The following KIAA1143 variants were observed in gnomAD, a reference collection of about 807,000 sequenced individuals.
KIAA1143 encodes the protein uncharacterized protein KIAA1143.
A neutral mutation model predicts 17.0 loss-of-function variants in KIAA1143; 8 were observed. The observed-to-expected ratio is 0.47, with a 90% confidence interval of 0.28 to 0.85. KIAA1143 has a LOEUF of 0.85. KIAA1143 is among the 40% of genes least tolerant of loss of function. KIAA1143 has a pLI of 0.12. For synonymous variants in KIAA1143, 64 were observed against 67.8 expected (o/e 0.94, Z 0.27); for missense variants, 162 against 183.3 (o/e 0.88, Z 0.67).
intron 1 of KIAA1143, among the ~76,000 whole-genome samples, chr3:44,755,724 C>T (rs1575558826): frequency 4.6e-5 from 7 of 152,338 alleles, no homozygotes; most frequent in Admixed American, 6.5e-5. Flanking sequence ...TTACACTGTG[C>T]ATAGCTCATA....
At chr3:44,758,490 ATT>A (rs1457621059) in intron 1 of KIAA1143, among the ~76,000 whole-genome samples, 2 of 152,198 alleles carry the variant, frequency 1.3e-5, no homozygotes, top group Non-Finnish European at 2.9e-5. Flanking sequence ...CCAGAAGTAG[ATT>A]CCATCTCAAT....
rs752654359 is a variant in KIAA1143, at chr3:44,761,561, C to A, written c.42G>T (p.Glu14Asp). ...RNQVSYVRPAEPAFLARFKER... is the reference protein window; with the variant it reads ...RNQVSYVRPADPAFLARFKER... ...CCTTGAAGCGGGCCAGAAACGCCGG[C>A]TCGGCTGGCCGCACGTACGATACCT... Residue 14 changes from glutamate to aspartate, a missense_variant, in exon 1 of 3, where the codon GAG becomes GAT. Transcript: ENST00000296121. The A allele has an allele frequency of 6.8e-6, 11 of 1,614,036 alleles. No homozygotes were observed. The highest frequency in any genetic ancestry group is 4.5e-5 in the East Asian group (2 of 44,880).
At position 44,750,705 on chromosome 3, in the gene KIAA1143, A is replaced by G. The variant is rs1318627705; in HGVS notation, c.*2636T>C. 1 of 71,524 alleles carries G rather than the reference A, an allele frequency of 1.4e-5. No homozygotes were observed. The highest frequency in any genetic ancestry group is 2.5e-5 in the Non-Finnish European group (1 of 39,472). The allele number at this position is 71,524 out of a possible 1,614,324, so 4.4% of individuals were successfully genotyped here. A position where few individuals can be genotyped will look rare whatever the true frequency, so the allele number is the denominator to read the frequency against. On this transcript the variant is annotated 3_prime_UTR_variant, in exon 3 of 3. Transcript: ENST00000296121. ...GAAAACTTCCAAGGCACTAATTGAA[A>G]GGCTGATGTGTTCATAAAGATGAAT... is the stretch of plus-strand genomic sequence containing the variant.
intron 1 of KIAA1143, among the ~76,000 whole-genome samples, chr3:44,756,681 C>T (rs1219695607): frequency 6.6e-6 from 1 of 152,156 alleles, no homozygotes; most frequent in Non-Finnish European, 1.5e-5. Flanking sequence ...CCTCCTTATC[C>T]TCAATTTCAT....
At chr3:44,753,760 TGTCAGTTCCCAATTACAATCAGG>T (rs1448132918) in intron 2 of KIAA1143, among the ~76,000 whole-genome samples, 1 of 152,228 alleles carries the variant, frequency 6.6e-6, no homozygotes, top group Non-Finnish European at 1.5e-5. Flanking sequence ...TCTATAATAT[TGTCAGTTCCCAATTACAATCAGG>T]TTGTATTTTT....
Position 44,750,258 on chromosome 3 carries a change from G to A in KIAA1143, c.*3083C>T, listed in dbSNP as rs1419182373. The A allele has an allele frequency of 6.6e-6, 1 of 152,190 alleles. No homozygotes were observed. The highest frequency in any genetic ancestry group is 2.4e-5 in the African/African-American group (1 of 41,452). 9.4% of individuals were successfully genotyped at this position (152,190 alleles called of 1,614,324 possible). Reference sequence around the variant, plus strand: ...CTTTTTGGATATTAGGCTTCCTGAAGTTCAAGAGTGACATATTAGGCTTAT... The same window carrying A: ...CTTTTTGGATATTAGGCTTCCTGAAATTCAAGAGTGACATATTAGGCTTAT... On this transcript the variant is annotated 3_prime_UTR_variant, in exon 3 of 3. Transcript: ENST00000296121.
At chr3:44,760,779 G>C (rs761884056) in intron 1 of KIAA1143, among the ~76,000 whole-genome samples, 6 of 145,412 alleles carry the variant, frequency 4.1e-5, no homozygotes, top group Admixed American at 7.0e-5. Flanking sequence ...TCCACCTCCC[G>C]GGTTCGAGCG....
intron 2 of KIAA1143, 135 bp from the exon 3 acceptor site, chr3:44,753,687 G>A (rs1424110259): frequency 1.2e-6 from 1 of 865,096 alleles, no homozygotes; most frequent in Non-Finnish European, 1.7e-6. Flanking sequence ...CTTCTCCATT[G>A]TTTCTAGCTA....
Position 44,752,614 on chromosome 3 carries a change from T to C in KIAA1143, c.*727A>G, listed in dbSNP as rs1397086721. The C allele has an allele frequency of 2.0e-5, 3 of 151,578 alleles. No individual in the cohort carries two copies. The highest frequency in any genetic ancestry group is 4.4e-5 in the Non-Finnish European group (3 of 67,904). 9.4% of individuals were successfully genotyped at this position (151,578 alleles called of 1,614,324 possible). ...TGTCAGCAAGGAGCCAAGCTCTGAG[T>C]CTTTTTACTAACATGACCCAAAGCA... On this transcript the variant is annotated 3_prime_UTR_variant, in exon 3 of 3. Transcript: ENST00000296121.
rs777180688 is a variant in KIAA1143 at position 44,761,576 on chromosome 3, G to T, written c.27C>A (p.Tyr9Ter). The T allele has an allele frequency of 4.3e-6, 7 of 1,613,520 alleles. No individual in the cohort carries two copies. The Admixed American group carries it at 6.7e-5, about 15-fold the overall frequency. Residue 9 changes from tyrosine to a stop codon, truncating the protein, a stop_gained, in exon 1 of 3, where the codon TAC becomes TAA. Coordinates refer to ENST00000296121, the MANE Select transcript of KIAA1143 (RefSeq NM_020696.4). LOFTEE classifies it high-confidence loss of function. MSKRNQVS[Y>*]VRPAEPAFLA... ...GAAACGCCGGCTCGGCTGGCCGCAC[G>T]TACGATACCTGGTTCCGCTTGCTCA...
chr3:44,761,427 G>A, intron 1 of KIAA1143, 68 bp downstream of exon 1: 1 of 1,306,516 alleles, frequency 7.7e-7, no homozygotes, highest in Admixed American at 1.9e-5. Flanking sequence ...CACCCTCCAA[G>A]TAGAGGCAAA....
At position 44,752,011 on chromosome 3, in the gene KIAA1143, C is replaced by A. The variant is rs1350754888; in HGVS notation, c.*1330G>T. ...GGAAAATGAGGCAGGAGAATAGGGT[C>A]TGGAGACAGGGAACCTAAGGCTGAT... On this transcript the variant is annotated 3_prime_UTR_variant, in exon 3 of 3. Transcript: ENST00000296121. The A allele has an allele frequency of 1.3e-5, 2 of 152,080 alleles. No individual in the cohort carries two copies. The highest frequency in any genetic ancestry group is 2.9e-5 in the Non-Finnish European group (2 of 68,024). 9.4% of individuals were successfully genotyped at this position (152,080 alleles called of 1,614,324 possible).
Position 44,754,331 on chromosome 3 carries a change from T to C in KIAA1143, c.146A>G (p.His49Arg). The C allele has an allele frequency of 6.2e-7, 1 of 1,614,048 alleles. No individual in the cohort carries two copies. The highest frequency in any genetic ancestry group is 1.1e-5 in the South Asian group (1 of 91,078). ...AGGCTGTTCATCTTCTTTGTCACTG[T>C]GATCCCCATCTTCATCTGGGGGCTG... is the stretch of plus-strand genomic sequence containing the variant. ...QPQPPDEDGDHSDKEDEQPQV... is the reference protein window; with the variant it reads ...QPQPPDEDGDRSDKEDEQPQV... Residue 49 changes from histidine (H) to arginine (R), a missense_variant, in exon 2 of 3, where the codon CAC becomes CGC. By Grantham distance (29) the His-to-Arg change is conservative. Coordinates refer to ENST00000296121, the MANE Select transcript of KIAA1143 (RefSeq NM_020696.4).
intron 1 of KIAA1143, among the ~76,000 whole-genome samples, chr3:44,757,577 C>T (rs937098163): frequency 4.6e-5 from 7 of 152,082 alleles, no homozygotes; most frequent in South Asian, 2.1e-4. Flanking sequence ...TGGGAAAATA[C>T]GGAAGGATTA....
At position 44,761,541 on chromosome 3, in the gene KIAA1143, A is replaced by C. The variant is rs1280942536; in HGVS notation, c.62T>G (p.Phe21Cys). 3.7e-6 allele frequency: 6 copies of C among 1,614,040 alleles called. No individual in the cohort carries two copies. The highest frequency in any genetic ancestry group is 5.1e-6 in the Non-Finnish European group (6 of 1,180,036). Reference sequence around the variant, plus strand: ...CTCCCTGTAGCCGACCCGTTCCTTGAAGCGGGCCAGAAACGCCGGCTCGGC... The same window carrying C: ...CTCCCTGTAGCCGACCCGTTCCTTGCAGCGGGCCAGAAACGCCGGCTCGGC... ...RPAEPAFLAR[F>C]KERVGYREGP... is the part of the protein sequence containing the mutation. Residue 21 changes from phenylalanine (F) to cysteine (C), a missense_variant, in exon 1 of 3, where the codon TTC becomes TGC. This residue lies in a region of KIAA1143 where 137 missense variants were observed against 132.5 expected (regional missense o/e 1.03). Transcript: ENST00000296121.
rs1357280615 is a variant in KIAA1143 at position 44,749,941 on chromosome 3, C to T, written c.*3400G>A. On this transcript the variant is annotated 3_prime_UTR_variant, in exon 3 of 3. Coordinates refer to ENST00000296121, the MANE Select transcript of KIAA1143 (RefSeq NM_020696.4). ...AGCAGCTGGGACTACAGGTGTGTGT[C>T]GCTACACCTGGCTATTTTTTATTTT... 2.6e-5 allele frequency: 4 copies of T among 151,962 alleles called. No individual in the cohort carries two copies. Among genetic ancestry groups the T allele is most frequent in the Non-Finnish European group, 5.9e-5 (4 of 67,974 alleles). 9.4% of individuals were successfully genotyped at this position (151,962 alleles called of 1,614,324 possible). A position where few individuals can be genotyped will look rare whatever the true frequency, so the allele number is the denominator to read the frequency against.
intron 1 of KIAA1143, among the ~76,000 whole-genome samples, chr3:44,754,763 T>C (rs1704943660): frequency 6.6e-6 from 1 of 152,182 alleles, no homozygotes; most frequent in Non-Finnish European, 1.5e-5. Context: ...ACCATCAAAG[T>C]ACAGAAAGCA....
intron 1 of KIAA1143, 52 bp downstream of exon 1, chr3:44,761,443 A>C: frequency 6.8e-7 from 1 of 1,476,332 alleles, no homozygotes; most frequent in South Asian, 1.2e-5. Flanking sequence ...GCAAAAGTTG[A>C]AAGTGGCGGG....
At chr3:44,760,904 C>G (rs1266934566) in intron 1 of KIAA1143, among the ~76,000 whole-genome samples, 1 of 151,368 alleles carries the variant, frequency 6.6e-6, no homozygotes, top group Non-Finnish European at 1.5e-5. Flanking sequence ...ATTGGCTCTG[C>G]TGGTCTCGAA....
Sources: gnomAD v4.1 joint callset for allele counts (sites outside exome capture counted in the v4.1 genomes callset) on GRCh38, gnomAD v4.1.1 for gene constraint, gnomAD v4.1.1 regional missense constraint, MANE v1.5 for transcripts, NCBI Gene and HGNC (gene_info 2026-07-23, HGNC 2026-07-21) for gene names.